TGM2: variants seen among roughly 807,000 people sequenced by gnomAD.
The protein encoded by TGM2 is protein-glutamine gamma-glutamyltransferase 2.
A neutral mutation model predicts 75.6 loss-of-function variants in TGM2; 53 were observed. That is an observed-to-expected ratio of 0.70 (90% CI 0.56 to 0.88). The LOEUF (loss-of-function observed/expected upper bound fraction) is 0.88. Ranked by LOEUF, TGM2 falls within the 40% of genes least tolerant of loss-of-function variation. TGM2 has a pLI of 0.00. For synonymous variants in TGM2, 374 were observed against 381.1 expected (o/e 0.98, Z 0.22); for missense variants, 842 against 928.5 (o/e 0.91, Z 1.21).
rs760811705 is a variant in TGM2, at chr20:38,161,419, C to T, written c.190+1G>A. 6.2e-7 allele frequency: 1 copy of T among 1,613,924 alleles called. No homozygotes were observed. Among genetic ancestry groups the T allele is most frequent in the Non-Finnish European group, 8.5e-7 (1 of 1,179,932 alleles). On this transcript the variant is annotated splice_donor_variant, in intron 2 of 12. Transcript: ENST00000361475. LOFTEE classifies it high-confidence loss of function. ...GGTGGAGTGGGGTTGCAGGTACTCA[C>T]CGGTCACGACACTGAAGGTGAGACT... is the stretch of plus-strand genomic sequence containing the variant.
At chr20:38,159,215 G>C (rs943924750) in intron 2 of TGM2, among the ~76,000 whole-genome samples, 1 of 152,190 alleles carries the variant, frequency 6.6e-6, no homozygotes, top group Non-Finnish European at 1.5e-5. Flanking sequence ...AGTGAAAGAA[G>C]AGGAAAGAAG....
upstream of TGM2, among the ~76,000 whole-genome samples, chr20:38,166,219 T>A (rs2075308557): frequency 6.6e-6 from 1 of 152,104 alleles, no homozygotes; most frequent in South Asian, 2.1e-4. Context: ...CAGCCATCCA[T>A]CTAATCAGCC....
intron 6 of TGM2, among the ~76,000 whole-genome samples, chr20:38,143,795 A>G (rs548334753): frequency 1.3e-5 from 2 of 152,342 alleles, no homozygotes; most frequent in South Asian, 2.1e-4. Context: ...TTTTACTTTT[A>G]GTTTTGATTG....
At chr20:38,141,539 C>T (rs6098085) in intron 7 of TGM2, among the ~76,000 whole-genome samples, 154 bp from the exon 8 acceptor site, 6 of 152,070 alleles carry the variant, frequency 3.9e-5, no homozygotes, top group Non-Finnish European at 5.9e-5. Context: ...TTCTTCCCCC[C>T]ACGGGGGCCC....
At position 38,127,940 on chromosome 20, in the gene TGM2, T is replaced by A. The variant is rs908771637; in HGVS notation, c.*2279A>T. 7.9e-5 allele frequency: 12 copies of A among 152,144 alleles called. No homozygotes were observed. The highest frequency in any genetic ancestry group is 2.9e-4 in the African/African-American group (12 of 41,430). The allele number at this position is 152,144 out of a possible 1,614,324, so 9.4% of individuals were successfully genotyped here. On this transcript the variant is annotated 3_prime_UTR_variant, in exon 13 of 13. Coordinates refer to ENST00000361475, the MANE Select transcript of TGM2 (RefSeq NM_004613.4). The stretch of plus-strand genomic sequence containing the variant: ...ATTCATTTACCAATTCAGCATTTAT[T>A]AGTGTATTTAAGAGATACGTGGTCC...
rs2076390 is a variant in TGM2 at position 38,142,186 on chromosome 20, C to T, written c.873G>A (p.Leu291=). 0.15 allele frequency: 240,629 copies of T among 1,614,006 alleles called. 19,086 individuals are homozygous for T. The highest frequency in any genetic ancestry group is 0.27 in the East Asian group (12,250 of 44,856). ...AAVACTVLRC[L]GIPTRVVTNY... is the part of the protein sequence containing the mutation. ...TGGTCACGACGCGGGTAGGGATGCC[C>T]AGGCACCTCAGCACTGTTGGAGAGG... is the stretch of plus-strand genomic sequence containing the variant. The change falls in exon 7 of 13, where the codon CTG becomes CTA. Residue 291 remains leucine, a synonymous_variant. Transcript: ENST00000361475.
chr20:38,135,691 C>T (rs540017578), intron 10 of TGM2, among the ~76,000 whole-genome samples: 3 of 152,210 alleles, frequency 2.0e-5, no homozygotes, highest in East Asian at 1.9e-4. Context: ...TCTACACCAC[C>T]GAGGTGTCAG....
At chr20:38,136,493 C>T (rs2074902295) in intron 10 of TGM2, among the ~76,000 whole-genome samples, 1 of 152,234 alleles carries the variant, frequency 6.6e-6, no homozygotes, top group African/African-American at 2.4e-5. Flanking sequence ...ACTGTGTGCA[C>T]ACTCTCTTAC....
intron 3 of TGM2, among the ~76,000 whole-genome samples, chr20:38,154,865 G>A (rs2075163051): frequency 6.6e-6 from 1 of 152,132 alleles, no homozygotes; most frequent in Non-Finnish European, 1.5e-5. Flanking sequence ...CAGCACTTTG[G>A]CAGGCCGAGG....
chr20:38,159,150 A>G (rs1226017471), intron 2 of TGM2, among the ~76,000 whole-genome samples: 1 of 152,170 alleles, frequency 6.6e-6, no homozygotes, highest in African/African-American at 2.4e-5. Flanking sequence ...CTAATTACCT[A>G]ACACTACGCT....
chr20:38,139,123 G>T (rs893374061), intron 9 of TGM2, among the ~76,000 whole-genome samples: 12 of 152,162 alleles, frequency 7.9e-5, no homozygotes. Context: ...TTGGCTGTTC[G>T]ATGTGCTCAA....
chr20:38,151,051 G>T lies in TGM2; in HGVS notation c.440C>A (p.Ala147Asp), dbSNP rs138064359. The stretch of plus-strand genomic sequence containing the variant: ...CTCCTCTTCCGAGTCCAGGTACACA[G>T]CATCCGCTGCAGGCAGGAAGAAAGG... ...LLFNAWCPAD[A>D]VYLDSEEERQ... Residue 147 changes from alanine (A) to aspartate (D), a missense_variant, in exon 4 of 13, where the codon GCT (alanine) becomes GAT (aspartate). By Grantham distance (126) the Ala-to-Asp change is moderately radical. Coordinates refer to ENST00000361475, the MANE Select transcript of TGM2 (RefSeq NM_004613.4). The T allele has an allele frequency of 6.2e-7, 1 of 1,613,184 alleles. No homozygotes were observed. The highest frequency in any genetic ancestry group is 8.5e-7 in the Non-Finnish European group (1 of 1,179,242).
In TGM2 at chr20:38,129,803, T is replaced by A. The variant is rs1269321133; in HGVS notation, c.*416A>T. The A allele has an allele frequency of 4.5e-6, 1 of 220,352 alleles. No individual in the cohort carries two copies. Among genetic ancestry groups the A allele is most frequent in the East Asian group, 1.1e-4 (1 of 8,918 alleles). 13.6% of individuals were successfully genotyped at this position (220,352 alleles called of 1,614,324 possible). On this transcript the variant is annotated 3_prime_UTR_variant, in exon 13 of 13. Coordinates refer to ENST00000361475, the MANE Select transcript of TGM2 (RefSeq NM_004613.4). Reference sequence around the variant, plus strand: ...ATGGGAAGAGGTACGGGATGCAGTCTAGGGAGCTGGATTCCCTGATCCAGC... The same window carrying A: ...ATGGGAAGAGGTACGGGATGCAGTCAAGGGAGCTGGATTCCCTGATCCAGC...
intron 3 of TGM2, among the ~76,000 whole-genome samples, chr20:38,155,111 A>C (rs1335324598): frequency 1.3e-5 from 2 of 151,958 alleles, no homozygotes; most frequent in Non-Finnish European, 2.9e-5. Flanking sequence ...CGTCTCAAAA[A>C]CAAAACAAAA....
At chr20:38,161,164 A>C (rs1414847529) in intron 2 of TGM2, among the ~76,000 whole-genome samples, 1 of 152,156 alleles carries the variant, frequency 6.6e-6, no homozygotes, top group African/African-American at 2.4e-5. Context: ...CCTGGTGATA[A>C]TAGGCTTTCA....
chr20:38,130,998 T>C (rs1345972112), intron 12 of TGM2, 95 bp downstream of exon 12: 1 of 1,583,466 alleles, frequency 6.3e-7, no homozygotes, highest in African/African-American at 1.3e-5. Flanking sequence ...AGGAGGGGAT[T>C]TTCAGCCAGG....
At chr20:38,146,310 C>G (rs948052635) in intron 6 of TGM2, 12 of 322,038 alleles carry the variant, frequency 3.7e-5, no homozygotes, top group Middle Eastern at 1.1e-3. Context: ...CATGTCACAC[C>G]CACTCTAGGA....
chr20:38,150,220 A>G (rs2075100457), intron 4 of TGM2, among the ~76,000 whole-genome samples: 1 of 152,190 alleles, frequency 6.6e-6, no homozygotes, highest in Non-Finnish European at 1.5e-5. Flanking sequence ...GGGAGTGAGA[A>G]ACCACGTGAA....
chr20:38,147,010 G>T, intron 5 of TGM2, 116 bp from the exon 6 acceptor site: 1 of 1,125,012 alleles, frequency 8.9e-7, no homozygotes, highest in Non-Finnish European at 1.3e-6. Flanking sequence ...TCCAGGGTGA[G>T]GAAAGAGCAG....
Sources: gnomAD v4.1 joint callset for allele counts (sites outside exome capture counted in the v4.1 genomes callset) on GRCh38, gnomAD v4.1.1 for gene constraint, MANE v1.5 for transcripts, NCBI Gene and HGNC (gene_info 2026-07-23, HGNC 2026-07-21) for gene names.